Variants in TDRD9 observed in about 807,000 individuals in gnomAD.
TDRD9 encodes ATP-dependent RNA helicase TDRD9.
In TDRD9, 124 loss-of-function variants were observed where a neutral mutation model predicts 172.6. The ratio of observed to expected loss-of-function variants is 0.72; its 90% CI spans 0.62 to 0.83. The LOEUF (loss-of-function observed/expected upper bound fraction) is 0.83, where lower values mean the gene tolerates loss of function less well. Among genes scored for constraint, TDRD9 ranks in the 40% least tolerant of loss-of-function variants. The probability of loss-of-function intolerance (pLI) is 0.00; values close to 1 mark genes in which losing one functional copy is unlikely to be tolerated. For missense variants in TDRD9, 1,479 were observed against 1,714.1 expected, an observed-to-expected ratio of 0.86 and a Z score of 2.42; for synonymous variants, 619 against 617.1, an observed-to-expected ratio of 1.00 and a Z score of -0.05.
At chr14:104,033,063 G>T (rs1011847910) in intron 30 of TDRD9, among the ~76,000 whole-genome samples, 1 of 152,036 alleles carries the variant, frequency 6.6e-6, no homozygotes, top group African/African-American at 2.4e-5. Context: ...AGAATTGGGT[G>T]GGGGGAAGGG....
chr14:104,014,962 T>TC, intron 21 of TDRD9, 121 bp downstream of exon 21: 1 of 559,594 alleles, frequency 1.8e-6, no homozygotes, highest in Non-Finnish European at 3.2e-6. Flanking sequence ...AGATTTTAGG[T>TC]CCATAGTGTT....
intron 6 of TDRD9, among the ~76,000 whole-genome samples, chr14:103,973,648 T>C (rs1365400503): frequency 1.3e-5 from 2 of 152,236 alleles, no homozygotes; most frequent in Admixed American, 1.3e-4. Flanking sequence ...GTTTGCAGGC[T>C]GCACTCTGTG....
chr14:103,979,098 T>A (rs1469927523), intron 7 of TDRD9, among the ~76,000 whole-genome samples: 2 of 152,174 alleles, frequency 1.3e-5, no homozygotes, highest in Non-Finnish European at 2.9e-5. Context: ...ACTCTTTACT[T>A]CTATTAAACT....
chr14:104,026,013 C>A, intron 26 of TDRD9, 34 bp from the exon 27 acceptor site: 1 of 1,412,464 alleles, frequency 7.1e-7, no homozygotes, highest in South Asian at 1.2e-5. Flanking sequence ...GTTTTTGACC[C>A]CGTCGTAAAG....
At position 103,965,551 on chromosome 14, in the gene TDRD9, CCAGGTGAG is replaced by C; in HGVS notation, c.640_642+5del. ...GGACCCTGGGAGGTGTGGTGGGCTA[CCAGGTGAG>C]ACTGGGAGGGAGGGAGGGACTAAGA... On this transcript the variant is annotated splice_donor_variant and splice_donor_5th_base_variant and coding_sequence_variant and intron_variant, in exon 4 of 36. Transcript: ENST00000409874. LOFTEE classifies it high-confidence loss of function. The C allele has an allele frequency of 6.5e-7, 1 of 1,543,998 alleles. No individual in the cohort carries two copies. Among genetic ancestry groups the C allele is most frequent in the Non-Finnish European group, 8.7e-7 (1 of 1,145,764 alleles).
chr14:103,965,817 T>C (rs558747430), intron 4 of TDRD9, among the ~76,000 whole-genome samples: 58 of 151,438 alleles, frequency 3.8e-4, no homozygotes, highest in African/African-American at 1.4e-3. Context: ...TGGTGGTGCA[T>C]GCCTGTAGTC....
chr14:103,951,576 A>G (rs990830277), intron 1 of TDRD9, among the ~76,000 whole-genome samples: 1 of 152,186 alleles, frequency 6.6e-6, no homozygotes, highest in South Asian at 2.1e-4. Flanking sequence ...AAATTTTTGT[A>G]TAATCTGTTT....
chr14:103,931,726 C>A (rs1242854515), intron 1 of TDRD9, among the ~76,000 whole-genome samples: 2 of 152,278 alleles, frequency 1.3e-5, no homozygotes, highest in East Asian at 3.9e-4. Flanking sequence ...AGAGATTTCG[C>A]AGCTGTAATT....
intron 6 of TDRD9, among the ~76,000 whole-genome samples, chr14:103,974,112 G>A (rs984480482): frequency 2.0e-5 from 3 of 152,214 alleles, no homozygotes; most frequent in African/African-American, 7.2e-5. Context: ...TGAGGTGAGA[G>A]GATCACTGAA....
chr14:104,030,890 A>G (rs903073906), intron 28 of TDRD9, among the ~76,000 whole-genome samples: 1 of 152,196 alleles, frequency 6.6e-6, no homozygotes, highest in Non-Finnish European at 1.5e-5. Flanking sequence ...ATGACGAGTT[A>G]ATGGGTGCAG....
chr14:104,041,919 C>A, intron 33 of TDRD9, 150 bp from the exon 34 acceptor site: 1 of 538,146 alleles, frequency 1.9e-6, no homozygotes, highest in Non-Finnish European at 3.4e-6. Flanking sequence ...TTGCTAAAAA[C>A]TGGGAGCAGT....
chr14:103,932,809 T>C (rs1454000276), intron 1 of TDRD9, among the ~76,000 whole-genome samples: 1 of 152,134 alleles, frequency 6.6e-6, no homozygotes, highest in Admixed American at 6.5e-5. Flanking sequence ...GAGAGTGTTG[T>C]TAAATCAGCT....
At chr14:103,987,208 C>T (rs2033703281) in intron 8 of TDRD9, among the ~76,000 whole-genome samples, 1 of 152,012 alleles carries the variant, frequency 6.6e-6, no homozygotes, top group African/African-American at 2.4e-5. Flanking sequence ...ACATCTGTCT[C>T]CATAGTTTTG....
chr14:104,014,101 T>TA (rs1332348642), intron 20 of TDRD9, among the ~76,000 whole-genome samples: 2 of 151,626 alleles, frequency 1.3e-5, no homozygotes, highest in African/African-American at 4.8e-5. Flanking sequence ...TGGTGGTGGG[T>TA]ACCTGTAGGC....
intron 7 of TDRD9, 118 bp downstream of exon 7, chr14:103,975,671 C>T (rs1337070772): frequency 2.0e-6 from 2 of 991,206 alleles, no homozygotes; most frequent in Non-Finnish European, 1.4e-6. Flanking sequence ...AAAATTGATG[C>T]ATACTAAGTG....
intron 6 of TDRD9, 99 bp downstream of exon 6, chr14:103,970,720 G>A (rs1566748875): frequency 1.1e-6 from 1 of 926,056 alleles, no homozygotes; most frequent in Non-Finnish European, 1.7e-6. Flanking sequence ...AGAGCATTCT[G>A]GGACCCCGGA....
Position 103,940,900 on chromosome 14 carries a change from G to T in TDRD9, c.215+12176G>T, listed in dbSNP as rs761917610. The T allele has an allele frequency of 2.6e-6, 4 of 1,535,122 alleles. No individual in the cohort carries two copies. In the African/African-American group the frequency reaches 4.1e-5, roughly 16 times the overall value. ...GTTTTTGTCTACGTAACTGGAAATG[G>T]TGGGTATTTCATCTTTGTCTGCCCT... On this transcript the variant is annotated intron_variant, in intron 1 of 35. Coordinates refer to ENST00000409874, the MANE Select transcript of TDRD9 (RefSeq NM_153046.3).
chr14:103,950,740 T>C (rs2031829753), intron 1 of TDRD9, among the ~76,000 whole-genome samples: 1 of 152,328 alleles, frequency 6.6e-6, no homozygotes, highest in Admixed American at 6.5e-5. Flanking sequence ...GTGTGAAATG[T>C]GTCAGAGTCA....
intron 1 of TDRD9, among the ~76,000 whole-genome samples, chr14:103,951,824 T>G (rs1356906184): frequency 1.3e-5 from 2 of 152,022 alleles, no homozygotes; most frequent in Non-Finnish European, 2.9e-5. Flanking sequence ...TGGAGTGCAG[T>G]GGCGTGATCT....
Sources: gnomAD v4.1 joint callset for allele counts (sites outside exome capture counted in the v4.1 genomes callset) on GRCh38, gnomAD v4.1.1 for gene constraint, MANE v1.5 for transcripts, NCBI Gene and HGNC (gene_info 2026-07-23, HGNC 2026-07-21) for gene names.